The following PRCC variants were observed in gnomAD, a reference collection of about 807,000 sequenced individuals.
The protein encoded by PRCC is proline-rich protein PRCC.
A neutral mutation model predicts 44.0 loss-of-function variants in PRCC; 10 were observed. The ratio of observed to expected loss-of-function variants is 0.23; its 90% CI spans 0.14 to 0.39. The LOEUF is 0.39. PRCC is among the 10% of genes least tolerant of loss of function. PRCC has a pLI of 1.00. For missense variants in PRCC, 573 were observed against 624.7 expected, an observed-to-expected ratio of 0.92 and a Z score of 0.88; for synonymous variants, 278 against 259.5, an observed-to-expected ratio of 1.07 and a Z score of -0.69.
At chr1:156,790,902 C>T (rs1037959760) in intron 3 of PRCC, among the ~76,000 whole-genome samples, 1 of 152,134 alleles carries the variant, frequency 6.6e-6, no homozygotes, top group Non-Finnish European at 1.5e-5. Context: ...TCATTTAGCT[C>T]ATCATAAAAC....
intron 1 of PRCC, among the ~76,000 whole-genome samples, chr1:156,769,538 A>G (rs984768888): frequency 5.1e-4 from 78 of 152,126 alleles, no homozygotes; most frequent in African/African-American, 1.8e-3. Context: ...TCATGGAAGG[A>G]GTTTCCAGAG....
intron 4 of PRCC, among the ~76,000 whole-genome samples, chr1:156,792,953 CA>C: frequency 6.6e-6 from 1 of 152,122 alleles, no homozygotes; most frequent in Non-Finnish European, 1.5e-5. Flanking sequence ...TAAGCTTCAG[CA>C]AAAGGAAAGG....
intron 1 of PRCC, among the ~76,000 whole-genome samples, chr1:156,779,126 A>ATTTTT (rs1651945225): frequency 6.8e-5 from 2 of 29,334 alleles, no homozygotes; most frequent in Non-Finnish European, 1.2e-4. Context: ...ATATATATAT[A>ATTTTT]TATTTTTTTT....
intron 1 of PRCC, among the ~76,000 whole-genome samples, chr1:156,775,249 A>G (rs1651783317): frequency 6.6e-6 from 1 of 151,498 alleles, no homozygotes; most frequent in Non-Finnish European, 1.5e-5. Flanking sequence ...CTCCATCTCA[A>G]AAAAAAAATT....
At chr1:156,768,334 C>T (rs1571568063) in intron 1 of PRCC, 95 bp downstream of exon 1, 2 of 1,288,022 alleles carry the variant, frequency 1.6e-6, no homozygotes, top group South Asian at 1.3e-5. Flanking sequence ...TTCCTACAAA[C>T]GCATCCGTGG....
In PRCC at chr1:156,787,145, G is replaced by A. The variant is rs988200835; in HGVS notation, c.1054G>A (p.Asp352Asn). ...YSYNQFSTYGDANAAGAYYQD... is the reference protein window; with the variant it reads ...YSYNQFSTYGNANAAGAYYQD... Reference sequence around the variant, plus strand: ...CTACAATCAGTTTTCCACATATGGCGATGCCAATGCCGCTGGTGCTTATTA... The same window carrying A: ...CTACAATCAGTTTTCCACATATGGCAATGCCAATGCCGCTGGTGCTTATTA... The change falls in exon 3 of 7, where the codon GAT (aspartate) becomes AAT (asparagine). Residue 352 changes from aspartate to asparagine, a missense_variant. This residue lies in a region of PRCC where 141 missense variants were observed against 130.2 expected (regional missense o/e 1.08). Transcript: ENST00000271526. The A allele has an allele frequency of 6.2e-7, 1 of 1,609,198 alleles. No individual in the cohort carries two copies. Among genetic ancestry groups the A allele is most frequent in the African/African-American group, 1.3e-5 (1 of 74,832 alleles).
intron 3 of PRCC, among the ~76,000 whole-genome samples, chr1:156,788,955 C>T (rs541349484): frequency 5.9e-5 from 9 of 151,484 alleles, no homozygotes; most frequent in Middle Eastern, 3.4e-3. Flanking sequence ...GGTGAGCTAC[C>T]GCGCCCTGCC....
chr1:156,777,256 T>A (rs1383361245), intron 1 of PRCC, among the ~76,000 whole-genome samples: 2 of 152,146 alleles, frequency 1.3e-5, no homozygotes, highest in African/African-American at 4.8e-5. Flanking sequence ...ACAGCTCAGT[T>A]TGGTGTTCCC....
chr1:156,794,854 A>G, intron 5 of PRCC, 46 bp downstream of exon 5: 1 of 1,609,798 alleles, frequency 6.2e-7, no homozygotes. Context: ...GAAGCTGCAA[A>G]GCAAAATCTT....
rs890646541 is a variant in PRCC at position 156,798,840 on chromosome 1, C to CAAAAAA, written c.1389+1513_1390-1515dup. On this transcript the variant is annotated intron_variant, in intron 6 of 6. Coordinates refer to ENST00000271526, the MANE Select transcript of PRCC (RefSeq NM_005973.5). ...CTCCAGCCTGGGTGAGACTCCATCTCAAAAAAAAAAAAAAAAAAAGATTTA... is the reference window on the plus strand; with the variant it reads ...CTCCAGCCTGGGTGAGACTCCATCTCAAAAAAAAAAAAAAAAAAAAAAAAAGATTTA... Among the ~76,000 whole-genome samples the CAAAAAA allele has an allele frequency of 2.6e-4, 14 of 53,670 alleles. 1 individual carries two copies. The highest frequency in any genetic ancestry group is 7.6e-4 in the African/African-American group (13 of 17,040). The allele number at this position is 53,670 out of a possible 152,430, so 35.2% of individuals were successfully genotyped here.
chr1:156,773,181 T>C (rs1344780461), intron 1 of PRCC, among the ~76,000 whole-genome samples: 1 of 152,166 alleles, frequency 6.6e-6, no homozygotes, highest in Non-Finnish European at 1.5e-5. Flanking sequence ...AGGGGGCGTC[T>C]GTTCTTGGGT....
intron 4 of PRCC, among the ~76,000 whole-genome samples, chr1:156,794,014 A>G (rs1164674790): frequency 7.1e-6 from 1 of 141,246 alleles, no homozygotes; most frequent in Non-Finnish European, 1.5e-5. Flanking sequence ...CTGGAGTGCA[A>G]TGGTGCGATC....
chr1:156,782,241 C>T lies in PRCC; in HGVS notation c.469-41C>T, dbSNP rs761216340. 384 of 1,535,342 alleles carry T rather than the reference C, an allele frequency of 2.5e-4. 1 individual carries two copies. In the Admixed American group the frequency reaches 6.4e-3, roughly 26 times the overall value. On this transcript the variant is annotated intron_variant, in intron 1 of 6. Transcript: ENST00000271526. Reference sequence around the variant, plus strand: ...ATATTTAATGTGTTTCCTTTACTGTCCTAAAACAGTGAGGCCTTACTTCAT... The same window carrying T: ...ATATTTAATGTGTTTCCTTTACTGTTCTAAAACAGTGAGGCCTTACTTCAT...
rs763658247 is a variant in PRCC, at chr1:156,791,030, A to AGGCCTTG, written c.1084-666_1084-660dup. On this transcript the variant is annotated intron_variant, in intron 3 of 6. Transcript: ENST00000271526. ...GTGGCTGCCTGACTTCACCAAGCAGAGGCCTTGCCCTTGCCTTCACCCTCC... is the reference window on the plus strand; with the variant it reads ...GTGGCTGCCTGACTTCACCAAGCAGAGGCCTTGGGCCTTGCCCTTGCCTTCACCCTCC... 3.2e-6 allele frequency: 4 copies of AGGCCTTG among 1,241,004 alleles called. No individual in the cohort carries two copies. In the African/African-American group the frequency reaches 6.1e-5, roughly 19 times the overall value. The allele number at this position is 1,241,004 out of a possible 1,614,324, so 76.9% of individuals were successfully genotyped here.
intron 4 of PRCC, among the ~76,000 whole-genome samples, chr1:156,792,295 T>C (rs959920537): frequency 6.6e-6 from 1 of 152,018 alleles, no homozygotes; most frequent in African/African-American, 2.4e-5. Flanking sequence ...CACATTGGCA[T>C]TGGAGATGCA....
rs1652809424 is a variant in PRCC at position 156,800,779 on chromosome 1, G to C, written c.*319G>C. Reference sequence around the variant, plus strand: ...CCACCACTTTTTTTTTTTTAAACCAGGGATGTCTGTTGAAATAAAACATTC... The same window carrying C: ...CCACCACTTTTTTTTTTTTAAACCACGGATGTCTGTTGAAATAAAACATTC... On this transcript the variant is annotated 3_prime_UTR_variant, in exon 7 of 7. Transcript: ENST00000271526. 1 of 289,630 alleles carries C rather than the reference G, an allele frequency of 3.5e-6. No individual in the cohort carries two copies. The highest frequency in any genetic ancestry group is 4.6e-5 in the Admixed American group (1 of 21,712). 17.9% of individuals were successfully genotyped at this position (289,630 alleles called of 1,614,324 possible). A position where few individuals can be genotyped will look rare whatever the true frequency, so the allele number is the denominator to read the frequency against.
At chr1:156,791,135 TAAACG>T (rs1452249930) in intron 3 of PRCC, 1 of 1,418,988 alleles carries the variant, frequency 7.0e-7, no homozygotes, top group Non-Finnish European at 9.5e-7. Context: ...CAAAATCTGG[TAAACG>T]AACCTGCTTT....
In PRCC at chr1:156,789,594, G is replaced by A. The variant is rs147473020; in HGVS notation, c.1084-2103G>A. Among the ~76,000 whole-genome samples, 251 of 152,242 alleles carry A rather than the reference G, an allele frequency of 1.6e-3. 4 individuals carry two copies. The highest frequency in any genetic ancestry group is 5.9e-3 in the African/African-American group (243 of 41,526). The stretch of plus-strand genomic sequence containing the variant: ...AGGAGGAAAGAAGGGAATCTGGAGG[G>A]TTGAGTGTAAAGTAAGAATAAAGAG... On this transcript the variant is annotated intron_variant, in intron 3 of 6. Transcript: ENST00000271526.
In PRCC at chr1:156,769,495, T is replaced by C. The variant is rs752100236; in HGVS notation, c.468+1256T>C. Among the ~76,000 whole-genome samples, 12 of 152,364 alleles carry C rather than the reference T, an allele frequency of 7.9e-5. 1 individual carries two copies. In the South Asian group the frequency reaches 2.1e-3, roughly 26 times the overall value. On this transcript the variant is annotated intron_variant, in intron 1 of 6. Transcript: ENST00000271526. ...CACATACTGAATACTCCCATGGATA[T>C]TTTGTGAGTGAAAGAACTCCAATAT...
Sources: gnomAD v4.1 joint callset for allele counts (sites outside exome capture counted in the v4.1 genomes callset) on GRCh38, gnomAD v4.1.1 for gene constraint, gnomAD v4.1.1 regional missense constraint, MANE v1.5 for transcripts, NCBI Gene and HGNC (gene_info 2026-07-23, HGNC 2026-07-21) for gene names.